Variants in GPRC6A observed in about 807,000 individuals in gnomAD.
GPRC6A encodes the protein G protein-coupled receptor family C group 6 member A.
Under a neutral mutation model 47.0 loss-of-function variants are expected in GPRC6A, and 54 were observed. The ratio of observed to expected loss-of-function variants is 1.15; its 90% CI spans 0.92 to 1.44. The LOEUF (loss-of-function observed/expected upper bound fraction) is 1.44. Ranked by LOEUF, GPRC6A falls within the 40% of genes most tolerant of loss-of-function variation. The pLI is 0.00. For missense variants in GPRC6A, 1,112 were observed against 1,105.5 expected, an observed-to-expected ratio of 1.01 and a Z score of -0.08; for synonymous variants, 347 against 377.1, an observed-to-expected ratio of 0.92 and a Z score of 0.93.
intron 1 of GPRC6A, among the ~76,000 whole-genome samples, chr6:116,818,032 G>A (rs920612084): frequency 9.2e-5 from 14 of 152,064 alleles, no homozygotes; most frequent in East Asian, 1.9e-4. Context: ...TACAGAGAAC[G>A]CCACAAAGAT....
In GPRC6A at chr6:116,793,060, T is replaced by C; in HGVS notation, c.1863A>G (p.Thr621=). The stretch of plus-strand genomic sequence containing the variant: ...ATCCCCCGGATGATTTCACAACAGG[T>C]GTGTTCAGGTTTCTTGTAAATATTA... ...VGIIFTRNLN[T]PVVKSSGGLR... Residue 621 remains threonine (T), a synonymous_variant, in exon 6 of 6, where the codon ACA becomes ACG. Coordinates refer to ENST00000310357, the MANE Select transcript of GPRC6A (RefSeq NM_148963.4). 6.2e-7 allele frequency: 1 copy of C among 1,613,660 alleles called. No homozygotes were observed. The highest frequency in any genetic ancestry group is 1.1e-5 in the South Asian group (1 of 91,052).
intron 3 of GPRC6A, among the ~76,000 whole-genome samples, chr6:116,804,136 G>T (rs1216399289): frequency 6.6e-6 from 1 of 151,914 alleles, no homozygotes; most frequent in African/African-American, 2.4e-5. Context: ...CAGAAGTAAA[G>T]GAAAACAAAC....
At chr6:116,822,863 T>TAA (rs578014770) in intron 1 of GPRC6A, among the ~76,000 whole-genome samples, 646 of 46,698 alleles carry the variant, frequency 0.014, 6 homozygotes, top group African/African-American at 0.043. Flanking sequence ...AGTATAATAA[T>TAA]AAAAAAAAAG....
intron 1 of GPRC6A, among the ~76,000 whole-genome samples, chr6:116,821,960 A>T (rs1773501039): frequency 6.7e-6 from 1 of 148,572 alleles, no homozygotes; most frequent in Admixed American, 6.7e-5. Context: ...CAACCTACTC[A>T]TCTGACAAAG....
At chr6:116,813,767 T>C (rs916624727) in intron 1 of GPRC6A, among the ~76,000 whole-genome samples, 1 of 152,154 alleles carries the variant, frequency 6.6e-6, no homozygotes, top group Non-Finnish European at 1.5e-5. Flanking sequence ...TGGGATCTAA[T>C]TAAACTAACG....
At chr6:116,828,303 C>G (rs1378692688) in intron 1 of GPRC6A, among the ~76,000 whole-genome samples, 1 of 152,030 alleles carries the variant, frequency 6.6e-6, no homozygotes, top group African/African-American at 2.4e-5. Context: ...GTTCATCCAG[C>G]AGGAAGGAGC....
intron 1 of GPRC6A, among the ~76,000 whole-genome samples, chr6:116,811,831 GA>G (rs201485010): frequency 2.7e-5 from 4 of 148,880 alleles, no homozygotes; most frequent in African/African-American, 7.4e-5. Flanking sequence ...AAATATAAAG[GA>G]AAAAAAAAGA....
intron 5 of GPRC6A, 86 bp from the exon 6 acceptor site, chr6:116,793,336 T>A: frequency 1.1e-6 from 1 of 925,556 alleles, no homozygotes; most frequent in South Asian, 1.8e-5. Context: ...TCGTCTTCTT[T>A]AATAGTTCTG....
rs1582450920 is a variant in GPRC6A at position 116,793,371 on chromosome 6, G to T, written c.1673-121C>A. 9.1e-6 allele frequency: 5 copies of T among 551,068 alleles called. No individual in the cohort carries two copies. The East Asian group carries it at 9.5e-5, about 10-fold the overall frequency. 34.1% of individuals were successfully genotyped at this position (551,068 alleles called of 1,614,324 possible). A position where few individuals can be genotyped will look rare whatever the true frequency, so the allele number is the denominator to read the frequency against. On this transcript the variant is annotated intron_variant, in intron 5 of 5. Coordinates refer to ENST00000310357, the MANE Select transcript of GPRC6A (RefSeq NM_148963.4). ...GACTAGAGAATAGATATAGATGATT[G>T]TTACATTGGTTACTTATTAAAATAA... is the stretch of plus-strand genomic sequence containing the variant.
intron 5 of GPRC6A, among the ~76,000 whole-genome samples, chr6:116,794,699 T>A (rs1047297417): frequency 1.3e-5 from 2 of 152,224 alleles, no homozygotes; most frequent in African/African-American, 2.4e-5. Context: ...TTTTAGGCAG[T>A]GGTATAGCAT....
chr6:116,815,063 C>G (rs1359617316), intron 1 of GPRC6A, among the ~76,000 whole-genome samples: 1 of 152,034 alleles, frequency 6.6e-6, no homozygotes, highest in Non-Finnish European at 1.5e-5. Context: ...CACTGAAGCA[C>G]CCAGATTCAT....
chr6:116,800,197 TCC>T (rs1772615004), intron 4 of GPRC6A, among the ~76,000 whole-genome samples: 1 of 61,902 alleles, frequency 1.6e-5, no homozygotes, highest in African/African-American at 6.3e-5. Context: ...CTCCCCTCCC[TCC>T]CTCTCTCTCT....
At chr6:116,816,633 A>G (rs1297375942) in intron 1 of GPRC6A, among the ~76,000 whole-genome samples, 1 of 152,110 alleles carries the variant, frequency 6.6e-6, no homozygotes, top group Non-Finnish European at 1.5e-5. Flanking sequence ...TACCGGGTTC[A>G]TCTCACTAGG....
rs144844700 is a variant in GPRC6A at position 116,805,550 on chromosome 6, A to G, written c.1335+820T>C. On this transcript the variant is annotated intron_variant, in intron 3 of 5. Coordinates refer to ENST00000310357, the MANE Select transcript of GPRC6A (RefSeq NM_148963.4). ...ACATATTATTGAGACATTTATTTCT[A>G]ATAAGTAAAACATCATTATTAAAAG... Among the ~76,000 whole-genome samples the G allele has an allele frequency of 1.6e-3, 251 of 152,226 alleles. 1 individual carries two copies. The highest frequency in any genetic ancestry group is 5.8e-3 in the African/African-American group (240 of 41,560).
Position 116,793,099 on chromosome 6 carries a change from A to C in GPRC6A, c.1824T>G (p.Val608=), listed in dbSNP as rs1377197952. Residue 608 remains valine, a synonymous_variant, in exon 6 of 6, where the codon GTT becomes GTG. Transcript: ENST00000310357. ...LILSLLGIIF[V]LVVGIIFTRN... The stretch of plus-strand genomic sequence containing the variant: ...TTGTAAATATTATGCCAACAACCAG[A>C]ACAAATATGATTCCCAGTAGGGAGA... The C allele has an allele frequency of 6.2e-7, 1 of 1,613,998 alleles. No homozygotes were observed.
Position 116,793,154 on chromosome 6 carries a change from T to C in GPRC6A, c.1769A>G (p.Asn590Ser). 2 of 1,613,652 alleles carry C rather than the reference T, an allele frequency of 1.2e-6. No homozygotes were observed. Among genetic ancestry groups the C allele is most frequent in the African/African-American group, 1.3e-5 (1 of 75,040 alleles). ...FEKEVEYLNW[N>S]DSLAILLLIL... ...CAGGAGTAGGATGGCCAAGGAGTCA[T>C]TCCAGTTGAGATATTCCACTTCCTT... The change falls in exon 6 of 6, where the codon AAT becomes AGT. Residue 590 changes from asparagine to serine, a missense_variant. Transcript: ENST00000310357.
intron 1 of GPRC6A, among the ~76,000 whole-genome samples, chr6:116,827,307 T>C (rs112380430): frequency 0.021 from 3,133 of 152,024 alleles, 47 homozygotes; most frequent in Admixed American, 0.037. Context: ...AAATACCACA[T>C]GTACCTCATA....
chr6:116,827,755 T>TA (rs1773719332), intron 1 of GPRC6A, among the ~76,000 whole-genome samples: 2 of 152,154 alleles, frequency 1.3e-5, no homozygotes, highest in African/African-American at 4.8e-5. Context: ...CTTTTTTTTT[T>TA]ACCATTCTCT....
At chr6:116,820,690 G>T (rs1773435953) in intron 1 of GPRC6A, among the ~76,000 whole-genome samples, 1 of 151,774 alleles carries the variant, frequency 6.6e-6, no homozygotes, top group African/African-American at 2.4e-5. Context: ...AATAAATTAG[G>T]TATTGATGTG....
Sources: gnomAD v4.1 joint callset for allele counts (sites outside exome capture counted in the v4.1 genomes callset) on GRCh38, gnomAD v4.1.1 for gene constraint, MANE v1.5 for transcripts, NCBI Gene and HGNC (gene_info 2026-07-23, HGNC 2026-07-21) for gene names.